PARN: variants seen among roughly 807,000 people sequenced by gnomAD.
The protein encoded by PARN is poly(A)-specific ribonuclease PARN.
Under a neutral mutation model 102.8 loss-of-function variants are expected in PARN, and 71 were observed. The ratio of observed to expected loss-of-function variants is 0.69; its 90% confidence interval spans 0.57 to 0.84. The LOEUF (loss-of-function observed/expected upper bound fraction) is 0.84. PARN is among the 40% of genes least tolerant of loss of function. The pLI, the probability that PARN is intolerant of heterozygous loss-of-function variation, is 0.00. For synonymous variants in PARN, 261 were observed against 252.9 expected (o/e 1.03, Z -0.30); for missense variants, 782 against 760.9 (o/e 1.03, Z -0.33).
intron 22 of PARN, among the ~76,000 whole-genome samples, chr16:14,462,295 G>A (rs1962031328): frequency 6.6e-6 from 1 of 152,036 alleles, no homozygotes; most frequent in Admixed American, 6.6e-5. Flanking sequence ...GTATTGAAGG[G>A]GGAAAGTCAG....
At chr16:14,444,983 ATTTTTTTTTT>A (rs564058919) in intron 23 of PARN, among the ~76,000 whole-genome samples, 24 of 117,962 alleles carry the variant, frequency 2.0e-4, no homozygotes, top group African/African-American at 6.6e-4. Flanking sequence ...TAATATTTAA[ATTTTTTTTTT>A]TTTTTTTTTT....
At chr16:14,456,875 GC>G (rs1486987827) in intron 22 of PARN, among the ~76,000 whole-genome samples, 2 of 152,140 alleles carry the variant, frequency 1.3e-5, no homozygotes, top group African/African-American at 4.8e-5. Flanking sequence ...TCATTCCTCT[GC>G]CCTGTTTTAT....
chr16:14,504,060 G>A (rs543597238), intron 21 of PARN, among the ~76,000 whole-genome samples: 153 of 152,294 alleles, frequency 1.0e-3, no homozygotes, highest in African/African-American at 3.4e-3. Context: ...TAAACGAGAA[G>A]GGGCTTAGAG....
intron 21 of PARN, among the ~76,000 whole-genome samples, chr16:14,501,911 T>C (rs1044095211): frequency 6.6e-6 from 1 of 152,218 alleles, no homozygotes; most frequent in African/African-American, 2.4e-5. Context: ...CTGCCGTTTC[T>C]GGAAAGAGCA....
chr16:14,569,941 T>TA (rs1005934618), intron 18 of PARN, among the ~76,000 whole-genome samples: 1 of 151,988 alleles, frequency 6.6e-6, no homozygotes, highest in Admixed American at 6.6e-5. Context: ...TTTACCAAAT[T>TA]AAAAAAAATT....
At chr16:14,513,308 T>C (rs762805006) in intron 21 of PARN, among the ~76,000 whole-genome samples, 4 of 152,202 alleles carry the variant, frequency 2.6e-5, no homozygotes, top group African/African-American at 4.8e-5. Flanking sequence ...TCATATATAA[T>C]ACAAACATGA....
intron 5 of PARN, among the ~76,000 whole-genome samples, chr16:14,624,282 A>G (rs756547026): frequency 6.6e-6 from 1 of 152,224 alleles, no homozygotes; most frequent in Non-Finnish European, 1.5e-5. Flanking sequence ...CTCTGCTACA[A>G]CTATAGAATT....
chr16:14,485,746 G>A (rs1313062000), intron 21 of PARN, among the ~76,000 whole-genome samples: 1 of 151,912 alleles, frequency 6.6e-6, no homozygotes, highest in African/African-American at 2.4e-5. Flanking sequence ...GGAGTATAGT[G>A]GCGCCATCTA....
intron 22 of PARN, among the ~76,000 whole-genome samples, chr16:14,480,626 T>C (rs1424583464): frequency 6.6e-6 from 1 of 152,154 alleles, no homozygotes; most frequent in Non-Finnish European, 1.5e-5. Context: ...ACTGTCTCAT[T>C]CCATCTAAGA....
chr16:14,573,825 T>A (rs1968956117), intron 18 of PARN, among the ~76,000 whole-genome samples: 1 of 152,206 alleles, frequency 6.6e-6, no homozygotes, highest in Admixed American at 6.5e-5. Context: ...CTATCATGAT[T>A]GTGAGGCCTC....
chr16:14,630,053 A>G, intron 1 of PARN, 54 bp downstream of exon 1: 1 of 1,496,560 alleles, frequency 6.7e-7, no homozygotes, highest in Non-Finnish European at 9.1e-7. Context: ...TCGGCCTAGC[A>G]GGCCAGGGGC....
At chr16:14,606,128 T>C (rs548144115) in intron 10 of PARN, among the ~76,000 whole-genome samples, 1 of 152,170 alleles carries the variant, frequency 6.6e-6, no homozygotes, top group African/African-American at 2.4e-5. Context: ...GGATTGAGCA[T>C]GGTAGCTCAG....
chr16:14,588,902 G>A (rs758033773), intron 13 of PARN, among the ~76,000 whole-genome samples: 1 of 151,296 alleles, frequency 6.6e-6, no homozygotes, highest in African/African-American at 2.4e-5. Context: ...TGAACAGGCT[G>A]GGCGTGGTGG....
chr16:14,529,705 G>A (rs534705143), intron 21 of PARN, among the ~76,000 whole-genome samples: 5 of 152,240 alleles, frequency 3.3e-5, no homozygotes, highest in African/African-American at 1.2e-4. Flanking sequence ...ACTGGTACTC[G>A]TTGGCAGGTA....
chr16:14,595,663 G>A (rs539107957), intron 12 of PARN, among the ~76,000 whole-genome samples: 2 of 152,246 alleles, frequency 1.3e-5, no homozygotes, highest in East Asian at 1.9e-4. Context: ...CTCCTGAGTA[G>A]CTGGGATTAC....
At chr16:14,522,190 C>T (rs1163552452) in intron 21 of PARN, among the ~76,000 whole-genome samples, 1 of 152,182 alleles carries the variant, frequency 6.6e-6, no homozygotes, top group Non-Finnish European at 1.5e-5. Flanking sequence ...AAGAAAAGCT[C>T]AAACACCAAT....
intron 21 of PARN, among the ~76,000 whole-genome samples, chr16:14,517,587 G>A (rs997215395): frequency 3.9e-5 from 6 of 152,332 alleles, no homozygotes; most frequent in African/African-American, 4.8e-5. Context: ...TATGCTTGAC[G>A]ACTGCCTTAT....
intron 22 of PARN, among the ~76,000 whole-genome samples, chr16:14,466,200 A>G (rs193140195): frequency 6.6e-6 from 1 of 152,372 alleles, no homozygotes; most frequent in African/African-American, 2.4e-5. Flanking sequence ...GAGAAAATAA[A>G]TATCAAAAGA....
Position 14,554,025 on chromosome 16 carries a change from T to C in PARN, c.1405+40A>G, listed in dbSNP as rs746810386. 12 of 1,361,246 alleles carry C rather than the reference T, an allele frequency of 8.8e-6. No homozygotes were observed. In the East Asian group the frequency reaches 1.2e-4, roughly 13 times the overall value. The allele number at this position is 1,361,246 out of a possible 1,614,324, so 84.3% of individuals were successfully genotyped here. ...CTTCTGACCACCTATACCAAATGAA[T>C]AGCAAAACCCTAAAAAGTACATCTG... On this transcript the variant is annotated intron_variant, in intron 20 of 23. Coordinates refer to ENST00000437198, the MANE Select transcript of PARN (RefSeq NM_002582.4).
Sources: allele counts gnomAD v4.1 joint callset (sites outside exome capture counted in the v4.1 genomes callset), GRCh38; gene constraint gnomAD v4.1.1; transcripts MANE v1.5; gene names NCBI Gene and HGNC (gene_info 2026-07-23, HGNC 2026-07-21).